Variants in PRR5L observed in about 807,000 individuals in gnomAD.
PRR5L encodes proline-rich protein 5-like.
PRR5L carries 21 observed loss-of-function variants against 36.4 expected under a neutral mutation model. That is an observed-to-expected ratio of 0.58 (90% CI 0.41 to 0.83). The LOEUF (loss-of-function observed/expected upper bound fraction) is 0.83, where lower values mean the gene tolerates loss of function less well. Ranked by LOEUF, PRR5L falls within the 40% of genes least tolerant of loss-of-function variation. The pLI is 0.00. For missense variants in PRR5L, 381 were observed against 473.3 expected (o/e 0.80, Z 1.81); for synonymous variants, 188 against 197.0 (o/e 0.95, Z 0.38).
chr11:36,421,749 G>T (rs926976616), intron 4 of PRR5L, among the ~76,000 whole-genome samples: 8 of 151,026 alleles, frequency 5.3e-5, no homozygotes, highest in Admixed American at 4.0e-4. Context: ...TAACATTAGG[G>T]CTTGTGGTTA....
intron 1 of PRR5L, among the ~76,000 whole-genome samples, chr11:36,332,463 T>C (rs564216752): frequency 1.3e-5 from 2 of 152,326 alleles, no homozygotes; most frequent in African/African-American, 4.8e-5. Flanking sequence ...TAATCTACTA[T>C]ATAACCTGAG....
rs146780458 is a variant in PRR5L, at chr11:36,334,467, G to T, written c.-126+38029G>T. Among the ~76,000 whole-genome samples, 570 of 152,248 alleles carry T rather than the reference G, an allele frequency of 3.7e-3. 12 individuals are homozygous for T. Among genetic ancestry groups the T allele is most frequent in the Non-Finnish European group, 1.3e-3 (90 of 68,018 alleles). ...CTGCCTTGTACCTTACTCTTGACTA[G>T]TTCTGAACTCCACCAAGTATTTGCT... On this transcript the variant is annotated intron_variant, in intron 1 of 8. Coordinates refer to ENST00000530639, the MANE Select transcript of PRR5L (RefSeq NM_001160167.2).
chr11:36,364,292 A>G (rs1013673030), intron 1 of PRR5L, among the ~76,000 whole-genome samples: 1 of 152,244 alleles, frequency 6.6e-6, no homozygotes, highest in Non-Finnish European at 1.5e-5. Context: ...ATATTTAACT[A>G]TCCAACTGTG....
At chr11:36,421,007 G>T (rs753181396) in intron 4 of PRR5L, among the ~76,000 whole-genome samples, 4 of 152,172 alleles carry the variant, frequency 2.6e-5, no homozygotes, top group Non-Finnish European at 5.9e-5. Flanking sequence ...TTAAGAGAGA[G>T]ATAATTAGTC....
At chr11:36,351,783 A>AC (rs1856977631) in intron 1 of PRR5L, among the ~76,000 whole-genome samples, 1 of 38,654 alleles carries the variant, frequency 2.6e-5, no homozygotes, top group South Asian at 7.1e-4. Flanking sequence ...ATATTTATAT[A>AC]TTTTTTTTAT....
intron 1 of PRR5L, among the ~76,000 whole-genome samples, chr11:36,373,243 C>G (rs1857215713): frequency 1.3e-5 from 2 of 152,094 alleles, no homozygotes; most frequent in South Asian, 4.1e-4. Flanking sequence ...AGAATTTCCT[C>G]CTCATAAATT....
intron 2 of PRR5L, among the ~76,000 whole-genome samples, chr11:36,401,805 A>G (rs1857803963): frequency 6.6e-6 from 1 of 152,132 alleles, no homozygotes; most frequent in African/African-American, 2.4e-5. Context: ...AAAATAGACC[A>G]CTGAGGGCCT....
At chr11:36,394,208 T>C (rs1302377745) in intron 1 of PRR5L, among the ~76,000 whole-genome samples, 1 of 152,218 alleles carries the variant, frequency 6.6e-6, no homozygotes, top group Non-Finnish European at 1.5e-5. Flanking sequence ...TTGCAAATCC[T>C]AAATCACCTG....
chr11:36,353,975 G>C (rs1033808988), intron 1 of PRR5L, among the ~76,000 whole-genome samples: 3 of 152,218 alleles, frequency 2.0e-5, no homozygotes, highest in South Asian at 4.1e-4. Context: ...AGAGAAGCCA[G>C]AGGAGACAAA....
rs1217565513 is a variant in PRR5L, at chr11:36,351,552, T to A, written c.-125-49445T>A. On this transcript the variant is annotated intron_variant, in intron 1 of 8. Transcript: ENST00000530639. ...ATTTATATAAATATATATTTATATA[T>A]ATTTATATATTTATATATTTATATA... 3.1e-3 allele frequency among the ~76,000 whole-genome samples: 34 copies of A among 11,142 alleles called. 6 individuals carry two copies. Among genetic ancestry groups the A allele is most frequent in the South Asian group, 0.012 (4 of 324 alleles). The allele number at this position is 11,142 out of a possible 152,430, so 7.3% of individuals were successfully genotyped here.
At chr11:36,365,111 A>G (rs144445650) in intron 1 of PRR5L, among the ~76,000 whole-genome samples, 2 of 152,316 alleles carry the variant, frequency 1.3e-5, no homozygotes, top group Non-Finnish European at 2.9e-5. Flanking sequence ...CTGATTTCCT[A>G]TCAAACGTCC....
At chr11:36,380,291 G>A (rs759841660) in intron 1 of PRR5L, among the ~76,000 whole-genome samples, 1 of 152,162 alleles carries the variant, frequency 6.6e-6, no homozygotes, top group Non-Finnish European at 1.5e-5. Context: ...TGGCCTGGGC[G>A]AGGATGGCTG....
chr11:36,447,747 C>A (rs1017887715), intron 7 of PRR5L, among the ~76,000 whole-genome samples: 3 of 152,160 alleles, frequency 2.0e-5, no homozygotes, highest in African/African-American at 7.2e-5. Flanking sequence ...GCATTCTCCC[C>A]CTTTCCTGTA....
chr11:36,309,884 T>C (rs1856480676), intron 1 of PRR5L, among the ~76,000 whole-genome samples: 1 of 83,492 alleles, frequency 1.2e-5, no homozygotes, highest in Non-Finnish European at 2.7e-5. Context: ...TCAAAGTGTC[T>C]GTACATCACC....
intron 8 of PRR5L, among the ~76,000 whole-genome samples, chr11:36,459,236 C>T (rs1859128085): frequency 6.6e-6 from 1 of 152,158 alleles, no homozygotes; most frequent in South Asian, 2.1e-4. Context: ...GGCAGCACTG[C>T]CTCAAGAGGA....
intron 3 of PRR5L, among the ~76,000 whole-genome samples, chr11:36,411,385 A>G (rs1858022776): frequency 6.6e-6 from 1 of 152,154 alleles, no homozygotes; most frequent in Non-Finnish European, 1.5e-5. Context: ...AATCCTGTCA[A>G]CTGGGGTGGT....
At chr11:36,302,077 C>G (rs1225275124) in intron 1 of PRR5L, among the ~76,000 whole-genome samples, 1 of 152,178 alleles carries the variant, frequency 6.6e-6, no homozygotes, top group Non-Finnish European at 1.5e-5. Context: ...TTGCACTGTG[C>G]TTTTGGCTTT....
chr11:36,462,646 G>T lies in PRR5L; in HGVS notation c.1017G>T (p.Glu339Asp). 6.2e-7 allele frequency: 1 copy of T among 1,612,002 alleles called. No homozygotes were observed. Among genetic ancestry groups the T allele is most frequent in the Non-Finnish European group, 8.5e-7 (1 of 1,179,766 alleles). Residue 339 changes from glutamate to aspartate, a missense_variant, in exon 9 of 9, where the codon GAG becomes GAT. Transcript: ENST00000530639. ...CGCCCCACCGGCAGTGCTCCAGTGA[G>T]CCCAACATCACTGACAACCCTGACG... ...FPPPHRQCSSEPNITDNPDGL... is the reference protein window; with the variant it reads ...FPPPHRQCSSDPNITDNPDGL...
At chr11:36,457,506 T>C (rs1332868894) in intron 8 of PRR5L, among the ~76,000 whole-genome samples, 2 of 151,538 alleles carry the variant, frequency 1.3e-5, no homozygotes, top group African/African-American at 4.9e-5. Flanking sequence ...CTCTGGAGGC[T>C]GAGGCAGGAG....
Sources: gnomAD v4.1 joint callset for allele counts (sites outside exome capture counted in the v4.1 genomes callset) on GRCh38, gnomAD v4.1.1 for gene constraint, MANE v1.5 for transcripts, NCBI Gene and HGNC (gene_info 2026-07-23, HGNC 2026-07-21) for gene names.